Variants in POFUT3 observed in about 807,000 individuals in gnomAD.
POFUT3 encodes the protein protein O-fucosyltransferase 3, also known as GDP-fucose protein O-fucosyltransferase 3.
chr8:33,312,198 G>T, the POFUT3 span, among the ~76,000 whole-genome samples: 1 of 151,792 alleles, frequency 6.6e-6, no homozygotes, highest in Non-Finnish European at 1.5e-5. Context: ...GGAGGCAGAG[G>T]TTGCAGTTAG....
At chr8:33,379,887 A>C in the POFUT3 span, among the ~76,000 whole-genome samples, 8 of 128,226 alleles carry the variant, frequency 6.2e-5, no homozygotes, top group South Asian at 1.8e-3. Context: ...CTATATATAT[A>C]ACATACATAT....
At chr8:33,389,216 C>T in the POFUT3 span, 1 of 1,614,108 alleles carries the variant, frequency 6.2e-7, no homozygotes, top group Non-Finnish European at 8.5e-7. Flanking sequence ...AAGAATAGCA[C>T]TTTTGTTACT....
chr8:33,360,411 G>A, the POFUT3 span, among the ~76,000 whole-genome samples: 16 of 149,728 alleles, frequency 1.1e-4, no homozygotes, highest in South Asian at 4.3e-4. Context: ...GTGCCACCGC[G>A]CTCCAGCCTG....
chr8:33,370,169 TAAAAAAAAAAAAAAAAA>T, the POFUT3 span, among the ~76,000 whole-genome samples: 32 of 39,896 alleles, frequency 8.0e-4, no homozygotes, highest in South Asian at 1.5e-3. Context: ...CCATCTTTAC[TAAAAAAAAAAAAAAAAA>T]AAAAAAAAAA....
At chr8:33,341,367 G>A in the POFUT3 span, among the ~76,000 whole-genome samples, 11 of 150,952 alleles carry the variant, frequency 7.3e-5, no homozygotes, top group East Asian at 9.7e-4. Flanking sequence ...CCCAGGAAGC[G>A]GAGGTTGCAG....
At chr8:33,434,909 A>G in the POFUT3 span, among the ~76,000 whole-genome samples, 1 of 152,204 alleles carries the variant, frequency 6.6e-6, no homozygotes, top group African/African-American at 2.4e-5. Context: ...GCACAGGTGC[A>G]GGTGCACTGG....
the POFUT3 span, among the ~76,000 whole-genome samples, chr8:33,376,902 T>C: frequency 3.9e-5 from 6 of 152,212 alleles, no homozygotes; most frequent in Non-Finnish European, 8.8e-5. Context: ...GATGCCAGAC[T>C]GTATCCTGCC....
At chr8:33,320,077 G>T in the POFUT3 span, among the ~76,000 whole-genome samples, 1 of 151,438 alleles carries the variant, frequency 6.6e-6, no homozygotes, top group South Asian at 2.1e-4. Flanking sequence ...AAATGCTTTG[G>T]GTATCTAAGA....
chr8:33,401,811 T>C, the POFUT3 span, among the ~76,000 whole-genome samples: 1 of 152,028 alleles, frequency 6.6e-6, no homozygotes, highest in Admixed American at 6.6e-5. Flanking sequence ...GTGAATCACT[T>C]GAGGTCAGGA....
the POFUT3 span, among the ~76,000 whole-genome samples, chr8:33,442,315 T>G: frequency 6.9e-6 from 1 of 145,920 alleles, no homozygotes. Context: ...GGGGACAGAG[T>G]CTTGCTCTGT....
At chr8:33,374,660 T>A in the POFUT3 span, among the ~76,000 whole-genome samples, 1 of 152,086 alleles carries the variant, frequency 6.6e-6, no homozygotes, top group Non-Finnish European at 1.5e-5. Context: ...CATAAAATGA[T>A]AGCATGAGGG....
the POFUT3 span, among the ~76,000 whole-genome samples, chr8:33,450,714 T>C: frequency 6.6e-6 from 1 of 152,164 alleles, no homozygotes; most frequent in Non-Finnish European, 1.5e-5. Flanking sequence ...TTTTGGGCAC[T>C]GGAGAGTAAC....
the POFUT3 span, among the ~76,000 whole-genome samples, chr8:33,396,220 G>C: frequency 1.3e-5 from 2 of 152,128 alleles, no homozygotes; most frequent in African/African-American, 4.8e-5. Context: ...CCCTTCCTGT[G>C]CCTCTCCAGT....
chr8:33,419,754 G>T, the POFUT3 span, among the ~76,000 whole-genome samples: 3 of 152,172 alleles, frequency 2.0e-5, no homozygotes, highest in African/African-American at 4.8e-5. Flanking sequence ...TTTTCTGGGG[G>T]AAAAATAAAG....
chr8:33,400,171 G>C, the POFUT3 span, among the ~76,000 whole-genome samples: 1 of 149,578 alleles, frequency 6.7e-6, no homozygotes, highest in African/African-American at 2.4e-5. Context: ...GTGGGGAGGG[G>C]CCAGGCGTGG....
At chr8:33,325,826 A>T in the POFUT3 span, among the ~76,000 whole-genome samples, 31 of 152,250 alleles carry the variant, frequency 2.0e-4, no homozygotes, top group Admixed American at 7.8e-4. Flanking sequence ...TAATGGTGTG[A>T]ATGGTATTTC....
At chr8:33,436,186 G>T in the POFUT3 span, 1 of 1,251,298 alleles carries the variant, frequency 8.0e-7, no homozygotes, top group Non-Finnish European at 1.1e-6. Context: ...CTAAGGGACT[G>T]AATGCACCAA....
At chr8:33,450,670 C>T in the POFUT3 span, among the ~76,000 whole-genome samples, 124 of 152,264 alleles carry the variant, frequency 8.1e-4, no homozygotes, top group African/African-American at 2.7e-3. Flanking sequence ...TAATAAACAG[C>T]ATAGATTCGG....
At chr8:33,333,693 G>A in the POFUT3 span, among the ~76,000 whole-genome samples, 2 of 152,116 alleles carry the variant, frequency 1.3e-5, no homozygotes, top group Non-Finnish European at 2.9e-5. Context: ...AAGGAGGAGA[G>A]GGATGCCAAG....
Sources: gnomAD v4.1 joint callset for allele counts (sites outside exome capture counted in the v4.1 genomes callset) on GRCh38, gnomAD v4.1.1 for gene constraint, MANE v1.5 for transcripts, NCBI Gene and HGNC (gene_info 2026-07-23, HGNC 2026-07-21) for gene names.